KANK3: variants seen among roughly 807,000 people sequenced by gnomAD.
The protein encoded by KANK3 is KN motif and ankyrin repeat domains 3, also known as KN motif and ankyrin repeat domain-containing protein 3.
KANK3 carries 61 observed loss-of-function variants against 65.4 expected under a neutral mutation model. The ratio of observed to expected loss-of-function variants is 0.93; its 90% confidence interval spans 0.76 to 1.15. KANK3 has a LOEUF of 1.15. Among genes scored for constraint, KANK3 ranks in the 50% most tolerant of loss-of-function variants. The probability of loss-of-function intolerance (pLI) is 0.00; values close to 1 mark genes in which losing one functional copy is unlikely to be tolerated. For missense variants in KANK3, 1,187 were observed against 1,178.8 expected (o/e 1.01, Z -0.10); for synonymous variants, 586 against 543.3 (o/e 1.08, Z -1.09).
chr19:8,338,444 G>A (rs1055722522), intron 1 of KANK3, among the ~76,000 whole-genome samples: 1 of 152,140 alleles, frequency 6.6e-6, no homozygotes, highest in Admixed American at 6.6e-5. Flanking sequence ...AAGGGTAGCT[G>A]GGAGTTGGGG....
chr19:8,322,835 C>T lies in KANK3; in HGVS notation c.*4G>A. The T allele has an allele frequency of 1.2e-6, 2 of 1,603,776 alleles. No individual in the cohort carries two copies. Among genetic ancestry groups the T allele is most frequent in the Non-Finnish European group, 1.7e-6 (2 of 1,174,246 alleles). On this transcript the variant is annotated 3_prime_UTR_variant, in exon 11 of 11. Coordinates refer to ENST00000330915, the MANE Select transcript of KANK3 (RefSeq NM_198471.3). The stretch of plus-strand genomic sequence containing the variant: ...GCTAGGTGTAGTGAGCCAGACGAGG[C>T]AGCTTACTGAACCTGGGGGTTCTCT...
chr19:8,330,220 T>C (rs1454974626), intron 7 of KANK3, among the ~76,000 whole-genome samples: 1 of 152,056 alleles, frequency 6.6e-6, no homozygotes, highest in Non-Finnish European at 1.5e-5. Context: ...TGCAGGGGCG[T>C]TAGTGTATGT....
At position 8,333,703 on chromosome 19, in the gene KANK3, C is replaced by G; in HGVS notation, c.1719+21G>C. The G allele has an allele frequency of 4.2e-6, 6 of 1,441,610 alleles. No individual in the cohort carries two copies. Among genetic ancestry groups the G allele is most frequent in the Non-Finnish European group, 5.5e-6 (6 of 1,096,072 alleles). 89.3% of individuals were successfully genotyped at this position (1,441,610 alleles called of 1,614,324 possible). On this transcript the variant is annotated intron_variant, in intron 6 of 10. Transcript: ENST00000330915. This position sits in a 1 kb window ranked among gnomAD's most constrained non-coding sequence, Gnocchi z 5.0. ...GAGGCTCCCACGCCACTCCCTGGTG[C>G]TGCGCTCCCGGGGCACTCACGCCGT... is the stretch of plus-strand genomic sequence containing the variant.
chr19:8,325,208 C>T (rs2145412898), intron 7 of KANK3, 112 bp from the exon 8 acceptor site: 7 of 1,195,110 alleles, frequency 5.9e-6, no homozygotes, highest in Non-Finnish European at 3.4e-6. Flanking sequence ...GTGGTCTCAA[C>T]GTTCTCCCCA....
rs769610140 is a variant in KANK3 at position 8,324,484 on chromosome 19, G to A, written c.2347C>T (p.His783Tyr). ...GGCTGGCCCGAGCTCAGGTGGGCAT[G>A]TAGCAGAGCGGCCACCTCATCCTGC... ...AEQDEVAALL[H>Y]AHLSSGQPDT... The change falls in exon 10 of 11, where the codon CAT becomes TAT. Residue 783 changes from histidine (H) to tyrosine (Y), a missense_variant. Coordinates refer to ENST00000330915, the MANE Select transcript of KANK3 (RefSeq NM_198471.3). The A allele has an allele frequency of 2.9e-4, 471 of 1,611,570 alleles. No homozygotes were observed. Among genetic ancestry groups the A allele is most frequent in the Non-Finnish European group, 3.3e-4 (392 of 1,178,992 alleles).
In KANK3 at chr19:8,334,493, G is replaced by A; in HGVS notation, c.1327+7C>T. On this transcript the variant is annotated splice_region_variant and intron_variant, in intron 3 of 10. Coordinates refer to ENST00000330915, the MANE Select transcript of KANK3 (RefSeq NM_198471.3). ...AGCCAGGGCCCAGCGACGGGGTCGG[G>A]ACTCACCCGCGGGCGCCACGGCCCT... 6.2e-7 allele frequency: 1 copy of A among 1,606,498 alleles called. No individual in the cohort carries two copies. Among genetic ancestry groups the A allele is most frequent in the Non-Finnish European group, 8.5e-7 (1 of 1,179,662 alleles).
chr19:8,325,066 G>A lies in KANK3; in HGVS notation c.1967C>T (p.Ala656Val), dbSNP rs1238907549. 6.2e-7 allele frequency: 1 copy of A among 1,613,602 alleles called. No homozygotes were observed. The highest frequency in any genetic ancestry group is 2.2e-5 in the East Asian group (1 of 44,880). ...AGCCAGCATGAGGGCCGAGTAGCCG[G>A]CTCGGTTCTGGCGGTTGACCTCGCA... ...GACEVNRQNR[A>V]GYSALMLAAL... Residue 656 changes from alanine to valine, a missense_variant, in exon 8 of 11, where the codon GCC (alanine) becomes GTC (valine). Around this residue, in one of 3 missense-constraint regions of KANK3, gnomAD observed 1,078 missense variants for 1,038.2 expected, o/e 1.04. Transcript: ENST00000330915.
In KANK3 at chr19:8,334,741, C is replaced by T. The variant is rs1470326708; in HGVS notation, c.1086G>A (p.Leu362=). Residue 362 remains leucine, a synonymous_variant, in exon 3 of 11, where the codon CTG becomes CTA. Coordinates refer to ENST00000330915, the MANE Select transcript of KANK3 (RefSeq NM_198471.3). ...ERELELLRAS[L]EHQRGVSELL... ...GCTCACTCACCCCGCGCTGGTGCTC[C>T]AGACTGGCGCGCAGCAGCTCTAGCT... The T allele has an allele frequency of 2.6e-6, 4 of 1,528,898 alleles. No individual in the cohort carries two copies. Among genetic ancestry groups the T allele is most frequent in the Non-Finnish European group, 3.5e-6 (4 of 1,144,952 alleles). 94.7% of individuals were successfully genotyped at this position (1,528,898 alleles called of 1,614,324 possible). A position where few individuals can be genotyped will look rare whatever the true frequency, so the allele number is the denominator to read the frequency against.
At chr19:8,341,216 ATATTTACTTTTTTTTTTTTT>A (rs932663542) in intron 1 of KANK3, among the ~76,000 whole-genome samples, 8 of 148,884 alleles carry the variant, frequency 5.4e-5, no homozygotes, top group African/African-American at 1.7e-4. Flanking sequence ...GAATTTATGG[ATATTTACTTTTTTTTTTTTT>A]TTTTTTAGAG....
chr19:8,338,197 T>C (rs1286768119), intron 1 of KANK3, among the ~76,000 whole-genome samples: 1 of 151,770 alleles, frequency 6.6e-6, no homozygotes, highest in Non-Finnish European at 1.5e-5. Context: ...AATTTTTGTA[T>C]TTTTGGTAGA....
chr19:8,325,966 A>C (rs953418231), intron 7 of KANK3, among the ~76,000 whole-genome samples: 6 of 152,062 alleles, frequency 3.9e-5, no homozygotes, highest in African/African-American at 1.4e-4. Flanking sequence ...AGCTGGGATT[A>C]CAGGCATGCA....
chr19:8,334,457 G>C (rs773809499), intron 3 of KANK3, 38 bp from the exon 4 acceptor site: 12 of 1,610,974 alleles, frequency 7.4e-6, no homozygotes, highest in Non-Finnish European at 1.0e-5. Context: ...GTTCGAGTCC[G>C]GCGCCGAGTA....
At chr19:8,339,238 A>C (rs1185244760) in intron 1 of KANK3, among the ~76,000 whole-genome samples, 1 of 149,018 alleles carries the variant, frequency 6.7e-6, no homozygotes, top group Non-Finnish European at 1.5e-5. Flanking sequence ...TATTGAATCC[A>C]GAACTTTGGT....
At chr19:8,325,233 T>G in intron 7 of KANK3, 137 bp from the exon 8 acceptor site, 1 of 784,884 alleles carries the variant, frequency 1.3e-6, no homozygotes, top group East Asian at 3.2e-5. Context: ...AGCTACCTGG[T>G]TCCTCCCTCA....
At chr19:8,329,577 C>G (rs948849522) in intron 7 of KANK3, among the ~76,000 whole-genome samples, 1 of 149,844 alleles carries the variant, frequency 6.7e-6, no homozygotes, top group Admixed American at 6.7e-5. Context: ...CTGACTGGAA[C>G]AGCCTAGGCT....
intron 7 of KANK3, among the ~76,000 whole-genome samples, chr19:8,329,312 C>T (rs1183429896): frequency 2.6e-5 from 4 of 151,290 alleles, no homozygotes; most frequent in African/African-American, 9.7e-5. Context: ...CATGGTGAAA[C>T]CCCGTCTCTA....
At position 8,333,378 on chromosome 19, in the gene KANK3, A is replaced by G. The variant is rs1238373732; in HGVS notation, c.1720-148T>C. ...TCACTCCTCGTCCAGGTGGGGAGCC[A>G]TGCGAACCCAGATGGAGGGCTGGGG... On this transcript the variant is annotated intron_variant, in intron 6 of 10. Transcript: ENST00000330915. This position sits in a 1 kb window ranked among gnomAD's most constrained non-coding sequence, Gnocchi z 5.0. 1.5e-6 allele frequency: 1 copy of G among 681,242 alleles called. No homozygotes were observed. The highest frequency in any genetic ancestry group is 2.7e-5 in the East Asian group (1 of 36,658). 42.2% of individuals were successfully genotyped at this position (681,242 alleles called of 1,614,324 possible). A position where few individuals can be genotyped will look rare whatever the true frequency, so the allele number is the denominator to read the frequency against.
chr19:8,336,338 G>A (rs1970636891), intron 2 of KANK3, among the ~76,000 whole-genome samples: 1 of 151,930 alleles, frequency 6.6e-6, no homozygotes, highest in South Asian at 2.1e-4. Flanking sequence ...TCCGGAAGCT[G>A]AGGCAGGAGA....
chr19:8,329,492 CAAAAAAA>C (rs59607185), intron 7 of KANK3, among the ~76,000 whole-genome samples: 3 of 51,102 alleles, frequency 5.9e-5, no homozygotes, highest in Non-Finnish European at 7.4e-5. Flanking sequence ...GACTCGGCCT[CAAAAAAA>C]AAAAAAAAAA....
Sources: gnomAD v4.1 joint callset for allele counts (sites outside exome capture counted in the v4.1 genomes callset) on GRCh38, gnomAD v4.1.1 for gene constraint, gnomAD v4.1.1 regional missense constraint, Gnocchi (gnomAD v3.1) non-coding constraint, MANE v1.5 for transcripts, NCBI Gene and HGNC (gene_info 2026-07-23, HGNC 2026-07-21) for gene names.